Variants in VWC2L observed in about 807,000 individuals in gnomAD.
The protein encoded by VWC2L is von Willebrand factor C domain containing 2 like.
A neutral mutation model predicts 21.6 loss-of-function variants in VWC2L; 10 were observed. The ratio of observed to expected loss-of-function variants is 0.46; its 90% CI spans 0.29 to 0.78. The LOEUF (loss-of-function observed/expected upper bound fraction) is 0.78, where lower values mean the gene tolerates loss of function less well. Ranked by LOEUF, VWC2L falls within the 30% of genes least tolerant of loss-of-function variation. The pLI, the probability that VWC2L is intolerant of heterozygous loss-of-function variation, is 0.10. For missense variants in VWC2L, 209 were observed against 277.1 expected, an observed-to-expected ratio of 0.75 and a Z score of 1.74; for synonymous variants, 96 against 94.3, an observed-to-expected ratio of 1.02 and a Z score of -0.10.
chr2:214,447,937 C>A (rs770544854), intron 3 of VWC2L, among the ~76,000 whole-genome samples: 4 of 151,990 alleles, frequency 2.6e-5, no homozygotes, highest in African/African-American at 7.2e-5. Context: ...GGACTGATCT[C>A]ATGATGCCCT....
At chr2:214,498,369 C>A (rs1688840488) in intron 3 of VWC2L, among the ~76,000 whole-genome samples, 1 of 152,104 alleles carries the variant, frequency 6.6e-6, no homozygotes. Context: ...TCAAAACACT[C>A]TGTGGAGTAT....
chr2:214,518,064 A>G (rs1257960795), intron 3 of VWC2L, among the ~76,000 whole-genome samples: 1 of 152,044 alleles, frequency 6.6e-6, no homozygotes, highest in Non-Finnish European at 1.5e-5. Context: ...TACTTGGGAG[A>G]CTGAGGCAGG....
At chr2:214,476,132 GATA>G (rs1284342412) in intron 3 of VWC2L, among the ~76,000 whole-genome samples, 2 of 152,140 alleles carry the variant, frequency 1.3e-5, no homozygotes, top group Non-Finnish European at 2.9e-5. Context: ...TTGATTGTGT[GATA>G]ATAATTTTCA....
intron 3 of VWC2L, among the ~76,000 whole-genome samples, chr2:214,567,802 C>T (rs1487712282): frequency 6.6e-6 from 1 of 152,090 alleles, no homozygotes; most frequent in Admixed American, 6.6e-5. Context: ...GAGAAAGCCA[C>T]TTGACATTTC....
chr2:214,562,186 G>C lies in VWC2L; in HGVS notation c.521-13486G>C, dbSNP rs558399598. ...CCCCCAACAGGCCCCAGTGTGTGTTGTTCCCCTCCATGTGTTCTCATTGTT... is the reference window on the plus strand; with the variant it reads ...CCCCCAACAGGCCCCAGTGTGTGTTCTTCCCCTCCATGTGTTCTCATTGTT... On this transcript the variant is annotated intron_variant, in intron 3 of 3. Transcript: ENST00000312504. Among the ~76,000 whole-genome samples the C allele has an allele frequency of 2.0e-5, 3 of 151,468 alleles. No homozygotes were observed. In the East Asian group the frequency reaches 5.8e-4, roughly 30 times the overall value.
chr2:214,438,390 C>CT (rs967704592), intron 3 of VWC2L, among the ~76,000 whole-genome samples: 181 of 149,236 alleles, frequency 1.2e-3, no homozygotes, highest in South Asian at 4.6e-3. Flanking sequence ...GAAGACTGCA[C>CT]TTTTTTTTTT....
At chr2:214,465,983 C>T (rs1205797812) in intron 3 of VWC2L, among the ~76,000 whole-genome samples, 1 of 152,188 alleles carries the variant, frequency 6.6e-6, no homozygotes, top group East Asian at 1.9e-4. Flanking sequence ...TTTCTCTCTG[C>T]AATGAGGTCA....
intron 3 of VWC2L, among the ~76,000 whole-genome samples, chr2:214,496,545 T>C (rs1354087212): frequency 1.3e-5 from 2 of 152,176 alleles, no homozygotes; most frequent in Non-Finnish European, 2.9e-5. Flanking sequence ...TTCCTAAGAA[T>C]ACGTTCAACA....
At chr2:214,427,818 A>G (rs1574559011) in intron 2 of VWC2L, among the ~76,000 whole-genome samples, 2 of 152,292 alleles carry the variant, frequency 1.3e-5, no homozygotes, top group Admixed American at 1.3e-4. Context: ...TACAATGTAA[A>G]TGCTGTGTAA....
At chr2:214,514,825 A>T (rs1689115382) in intron 3 of VWC2L, among the ~76,000 whole-genome samples, 1 of 152,224 alleles carries the variant, frequency 6.6e-6, no homozygotes, top group Non-Finnish European at 1.5e-5. Context: ...CACCTCGTTT[A>T]TGACCAGCAT....
intron 3 of VWC2L, among the ~76,000 whole-genome samples, chr2:214,521,179 C>T (rs1253736735): frequency 2.6e-5 from 4 of 151,436 alleles, no homozygotes; most frequent in East Asian, 1.9e-4. Context: ...GAGTGGAGAT[C>T]GCGCCACTGC....
At chr2:214,530,253 G>A (rs1158573428) in intron 3 of VWC2L, among the ~76,000 whole-genome samples, 2 of 152,102 alleles carry the variant, frequency 1.3e-5, no homozygotes, top group Non-Finnish European at 2.9e-5. Flanking sequence ...CAGCACCACC[G>A]TTACCACAGC....
intron 3 of VWC2L, among the ~76,000 whole-genome samples, chr2:214,482,586 A>AAT (rs933808429): frequency 3.3e-5 from 5 of 150,320 alleles, no homozygotes; most frequent in African/African-American, 9.7e-5. Context: ...CTGGTAAACA[A>AAT]ATATATATAT....
chr2:214,465,142 G>A (rs1277222830), intron 3 of VWC2L, among the ~76,000 whole-genome samples: 1 of 152,106 alleles, frequency 6.6e-6, no homozygotes, highest in South Asian at 2.1e-4. Flanking sequence ...CCAAGATGGT[G>A]CCTCAGCTGC....
chr2:214,456,285 GA>G (rs1187853022), intron 3 of VWC2L, among the ~76,000 whole-genome samples: 1 of 152,086 alleles, frequency 6.6e-6, no homozygotes, highest in Admixed American at 6.5e-5. Context: ...TTTTCCTGAT[GA>G]TTAGTGATGC....
intron 2 of VWC2L, among the ~76,000 whole-genome samples, chr2:214,421,456 T>A (rs1333171947): frequency 6.6e-6 from 1 of 152,192 alleles, no homozygotes; most frequent in Admixed American, 6.5e-5. Context: ...CACTTACCAA[T>A]ATTTATTGCT....
chr2:214,567,595 C>CAGAGAGAGAG (rs10528003), intron 3 of VWC2L, among the ~76,000 whole-genome samples: 87 of 135,176 alleles, frequency 6.4e-4, no homozygotes, highest in East Asian at 2.1e-3. Flanking sequence ...CACACACACA[C>CAGAGAGAGAG]AGAGAGAGAG....
chr2:214,506,309 C>T (rs1385495982), intron 3 of VWC2L, among the ~76,000 whole-genome samples: 1 of 152,130 alleles, frequency 6.6e-6, no homozygotes, highest in East Asian at 1.9e-4. Flanking sequence ...TACAAAAATA[C>T]CAATGAAGGT....
At chr2:214,459,524 CTTCTT>C (rs1420764294) in intron 3 of VWC2L, among the ~76,000 whole-genome samples, 6 of 152,138 alleles carry the variant, frequency 3.9e-5, no homozygotes, top group Admixed American at 2.0e-4. Flanking sequence ...AATCCTTTCT[CTTCTT>C]CATTTGTGTT....
Sources: allele counts gnomAD v4.1 joint callset (sites outside exome capture counted in the v4.1 genomes callset), GRCh38; gene constraint gnomAD v4.1.1; transcripts MANE v1.5; gene names NCBI Gene and HGNC (gene_info 2026-07-23, HGNC 2026-07-21).